Variants in SLC9A9 observed in about 807,000 individuals in gnomAD.
The protein encoded by SLC9A9 is sodium/hydrogen exchanger 9.
A neutral mutation model predicts 77.8 loss-of-function variants in SLC9A9; 62 were observed. The observed-to-expected ratio is 0.80, with a 90% CI of 0.65 to 0.98. The LOEUF is 0.98. Among genes scored for constraint, SLC9A9 ranks in the 50% least tolerant of loss-of-function variants. SLC9A9 has a pLI of 0.00. For synonymous variants in SLC9A9, 320 were observed against 283.5 expected (o/e 1.13, Z -1.29); for missense variants, 775 against 774.9 (o/e 1.00, Z 0.00).
At chr3:143,481,721 T>G (rs895394373) in intron 11 of SLC9A9, among the ~76,000 whole-genome samples, 3 of 152,204 alleles carry the variant, frequency 2.0e-5, no homozygotes, top group African/African-American at 7.2e-5. Flanking sequence ...AGGGATGCCA[T>G]AGCTGCTGGC....
chr3:143,698,288 C>T (rs1933698210), intron 4 of SLC9A9: 1 of 153,644 alleles, frequency 6.5e-6, no homozygotes, highest in Admixed American at 6.6e-5. Context: ...GAAACTGTCT[C>T]ATAAAAACTA....
intron 11 of SLC9A9, among the ~76,000 whole-genome samples, chr3:143,476,528 C>T (rs537000578): frequency 4.6e-5 from 7 of 152,260 alleles, no homozygotes; most frequent in African/African-American, 7.2e-5. Flanking sequence ...TTTGTTTTTA[C>T]GTGGGTAAGA....
chr3:143,333,378 C>T (rs2031832402), intron 14 of SLC9A9, among the ~76,000 whole-genome samples: 1 of 152,114 alleles, frequency 6.6e-6, no homozygotes, highest in African/African-American at 2.4e-5. Flanking sequence ...TGGATTGTTT[C>T]AGAACTAGTA....
At chr3:143,794,230 A>G (rs1291804006) in intron 4 of SLC9A9, among the ~76,000 whole-genome samples, 1 of 152,196 alleles carries the variant, frequency 6.6e-6, no homozygotes, top group Non-Finnish European at 1.5e-5. Context: ...GTGCTGGGTT[A>G]TAACAGCTGT....
At chr3:143,642,106 T>G (rs1414928057) in intron 6 of SLC9A9, among the ~76,000 whole-genome samples, 1 of 152,224 alleles carries the variant, frequency 6.6e-6, no homozygotes, top group Non-Finnish European at 1.5e-5. Context: ...GTATTTAATC[T>G]TATTCTTAAA....
intron 5 of SLC9A9, among the ~76,000 whole-genome samples, chr3:143,680,908 A>G (rs1188449359): frequency 6.6e-6 from 1 of 152,162 alleles, no homozygotes; most frequent in Non-Finnish European, 1.5e-5. Flanking sequence ...GATTTGGCCA[A>G]TGAGAAGCCC....
intron 13 of SLC9A9, among the ~76,000 whole-genome samples, chr3:143,365,093 C>T (rs2032861693): frequency 6.6e-6 from 1 of 152,138 alleles, no homozygotes; most frequent in South Asian, 2.1e-4. Context: ...ATAATATGCA[C>T]TCATAAAAAG....
In SLC9A9 at chr3:143,396,419, C is replaced by T. The variant is rs143624588; in HGVS notation, c.1470-14305G>A. On this transcript the variant is annotated intron_variant, in intron 12 of 15. Transcript: ENST00000316549. Reference sequence around the variant, plus strand: ...CATGAGAACACATGGACACAGGAAGCGGAACATCACACACAGCCTGTTGTG... The same window carrying T: ...CATGAGAACACATGGACACAGGAAGTGGAACATCACACACAGCCTGTTGTG... Among the ~76,000 whole-genome samples, 9 of 152,136 alleles carry T rather than the reference C, an allele frequency of 5.9e-5. No homozygotes were observed. The East Asian group carries it at 9.7e-4, about 16-fold the overall frequency.
At chr3:143,736,645 T>G (rs947412858) in intron 4 of SLC9A9, among the ~76,000 whole-genome samples, 3 of 152,208 alleles carry the variant, frequency 2.0e-5, no homozygotes, top group African/African-American at 7.2e-5. Flanking sequence ...TGGAGAAATC[T>G]CTTTTCTATT....
intron 8 of SLC9A9, among the ~76,000 whole-genome samples, chr3:143,566,973 A>C (rs1202707176): frequency 1.3e-5 from 2 of 152,178 alleles, no homozygotes; most frequent in Non-Finnish European, 2.9e-5. Context: ...ATTCAATTCC[A>C]TTGGAGATAT....
At chr3:143,395,656 C>G (rs954108717) in intron 12 of SLC9A9, among the ~76,000 whole-genome samples, 2 of 152,276 alleles carry the variant, frequency 1.3e-5, no homozygotes, top group Admixed American at 1.3e-4. Context: ...TCAGAGTGAA[C>G]AGGCAACCTA....
chr3:143,555,957 T>C (rs960170366), intron 8 of SLC9A9, among the ~76,000 whole-genome samples: 2 of 152,234 alleles, frequency 1.3e-5, no homozygotes, highest in Admixed American at 1.3e-4. Context: ...GCATACACAA[T>C]CATAATTCCA....
At position 143,265,891 on chromosome 3, in the gene SLC9A9, A is replaced by AT; in HGVS notation, c.*810_*811insA. On this transcript the variant is annotated 3_prime_UTR_variant, in exon 16 of 16. Coordinates refer to ENST00000316549, the MANE Select transcript of SLC9A9 (RefSeq NM_173653.4). ...TCCTACCCTCCAGCATATCGCGGGG[A>AT]GGGGGGGACCTGCTGCACAGCCAAG... is the stretch of plus-strand genomic sequence containing the variant. The AT allele has an allele frequency of 1.7e-6, 1 of 603,334 alleles. No homozygotes were observed. The highest frequency in any genetic ancestry group is 1.9e-5 in the South Asian group (1 of 51,290). The allele number at this position is 603,334 out of a possible 1,614,324, so 37.4% of individuals were successfully genotyped here. A position where few individuals can be genotyped will look rare whatever the true frequency, so the allele number is the denominator to read the frequency against.
intron 5 of SLC9A9, among the ~76,000 whole-genome samples, chr3:143,667,890 G>T (rs1467384275): frequency 1.3e-5 from 2 of 152,200 alleles, no homozygotes; most frequent in African/African-American, 4.8e-5. Context: ...TGGTGGGAGT[G>T]TAAACTAGTT....
chr3:143,304,154 C>T (rs1218386417), intron 14 of SLC9A9, among the ~76,000 whole-genome samples: 5 of 152,180 alleles, frequency 3.3e-5, no homozygotes, highest in African/African-American at 4.8e-5. Context: ...CTTCCTGCCA[C>T]ATAACTTCAT....
At chr3:143,466,600 C>T (rs148187615) in intron 12 of SLC9A9, among the ~76,000 whole-genome samples, 2 of 152,262 alleles carry the variant, frequency 1.3e-5, no homozygotes, top group African/African-American at 4.8e-5. Context: ...TTCCTATGTC[C>T]CTGTTTCTGT....
chr3:143,604,619 G>T (rs553093924), intron 6 of SLC9A9, among the ~76,000 whole-genome samples: 2 of 152,292 alleles, frequency 1.3e-5, no homozygotes, highest in African/African-American at 4.8e-5. Context: ...GTGGAGTGAA[G>T]GTGGAAGTAT....
rs535434745 is a variant in SLC9A9, at chr3:143,752,331, C to T, written c.533+42670G>A. Among the ~76,000 whole-genome samples, 6 of 152,250 alleles carry T rather than the reference C, an allele frequency of 3.9e-5. No individual in the cohort carries two copies. The South Asian group carries it at 6.2e-4, about 16-fold the overall frequency. On this transcript the variant is annotated intron_variant, in intron 4 of 15. Coordinates refer to ENST00000316549, the MANE Select transcript of SLC9A9 (RefSeq NM_173653.4). ...ACCTGTTTTGAATTCTCTTTTTTAT[C>T]GTATTAGCCACAGGCAGCCTAGTAA...
chr3:143,497,864 CT>C (rs2035862188), intron 9 of SLC9A9, among the ~76,000 whole-genome samples: 1 of 152,128 alleles, frequency 6.6e-6, no homozygotes, highest in Admixed American at 6.5e-5. Context: ...ATAAGAAAGT[CT>C]GTTACCTTTG....
Sources: gnomAD v4.1 joint callset for allele counts (sites outside exome capture counted in the v4.1 genomes callset) on GRCh38, gnomAD v4.1.1 for gene constraint, MANE v1.5 for transcripts, NCBI Gene and HGNC (gene_info 2026-07-23, HGNC 2026-07-21) for gene names.